KIF11: variants seen among roughly 807,000 people sequenced by gnomAD.
The protein encoded by KIF11 is kinesin family member 11, also known as kinesin-like protein KIF11.
KIF11 carries 9 observed loss-of-function variants against 121.0 expected under a neutral mutation model. The ratio of observed to expected loss-of-function variants is 0.07; its 90% CI spans 0.04 to 0.13. The LOEUF is 0.13. Among genes scored for constraint, KIF11 ranks in the 10% least tolerant of loss-of-function variants. The pLI is 1.00. For synonymous variants in KIF11, 408 were observed against 421.0 expected (o/e 0.97, Z 0.38); for missense variants, 846 against 1,217.5 (o/e 0.69, Z 4.54).
intron 10 of KIF11, among the ~76,000 whole-genome samples, chr10:92,626,298 A>G (rs759008386): frequency 3.9e-5 from 6 of 152,226 alleles, no homozygotes; most frequent in Non-Finnish European, 7.3e-5. Context: ...TCGACAGAAC[A>G]TGCAATGGGG....
intron 6 of KIF11, 66 bp downstream of exon 6, chr10:92,609,575 A>G (rs1844472603): frequency 6.6e-7 from 1 of 1,517,016 alleles, no homozygotes; most frequent in African/African-American, 1.4e-5. Flanking sequence ...ACTTGGAGAA[A>G]GTCAAATTGG....
chr10:92,598,814 G>T (rs1396412140), intron 1 of KIF11, among the ~76,000 whole-genome samples: 11 of 152,164 alleles, frequency 7.2e-5, no homozygotes, highest in Admixed American at 6.5e-4. Context: ...TTTCGCTCTT[G>T]TTGTCCAGGC....
intron 9 of KIF11, among the ~76,000 whole-genome samples, chr10:92,617,840 A>G (rs1233807648): frequency 3.3e-5 from 5 of 151,968 alleles, no homozygotes; most frequent in African/African-American, 1.2e-4. Flanking sequence ...CCCAGGTTCA[A>G]GTGATTCTTC....
At chr10:92,615,783 A>G (rs1238065783) in intron 8 of KIF11, among the ~76,000 whole-genome samples, 1 of 151,558 alleles carries the variant, frequency 6.6e-6, no homozygotes, top group Non-Finnish European at 1.5e-5. Context: ...TGTACCAGCA[A>G]TACTTTATTC....
chr10:92,649,705 T>G, intron 19 of KIF11, 130 bp from the exon 20 acceptor site: 2 of 602,410 alleles, frequency 3.3e-6, no homozygotes, highest in African/African-American at 1.8e-5. Context: ...GTAGCAAGAC[T>G]GATCCTCATA....
chr10:92,620,123 C>T (rs1284943169), intron 9 of KIF11, among the ~76,000 whole-genome samples: 1 of 149,016 alleles, frequency 6.7e-6, no homozygotes, highest in Non-Finnish European at 1.5e-5. Context: ...CTCTGTTGCC[C>T]AGGCTAGAGT....
At chr10:92,599,648 GTTTTC>G (rs1554858703) in intron 1 of KIF11, among the ~76,000 whole-genome samples, 1 of 147,384 alleles carries the variant, frequency 6.8e-6, no homozygotes, top group Non-Finnish European at 1.5e-5. Flanking sequence ...TAATTTTAGA[GTTTTC>G]TTTTCTTTTT....
At chr10:92,651,619 G>A (rs1231839523) in intron 21 of KIF11, among the ~76,000 whole-genome samples, 2 of 139,672 alleles carry the variant, frequency 1.4e-5, no homozygotes, top group African/African-American at 2.6e-5. Flanking sequence ...TGCCTGCCTC[G>A]GCCTCCCGTA....
chr10:92,608,078 A>G (rs867974306), intron 4 of KIF11, among the ~76,000 whole-genome samples: 3 of 151,392 alleles, frequency 2.0e-5, no homozygotes, highest in African/African-American at 7.2e-5. Context: ...AAAAAAAACA[A>G]AAAAACAAAA....
chr10:92,610,720 CTT>C (rs1435509196), intron 6 of KIF11, among the ~76,000 whole-genome samples: 5 of 152,084 alleles, frequency 3.3e-5, no homozygotes, highest in Non-Finnish European at 5.9e-5. Context: ...GATTAGAAGT[CTT>C]ATTTCTTTTC....
At chr10:92,621,675 C>T (rs954617683) in intron 10 of KIF11, among the ~76,000 whole-genome samples, 2 of 151,978 alleles carry the variant, frequency 1.3e-5, no homozygotes, top group African/African-American at 4.8e-5. Context: ...AATCTTGGCT[C>T]ACTACGTCCT....
chr10:92,611,781 C>G (rs1408947666), intron 6 of KIF11, among the ~76,000 whole-genome samples: 3 of 151,998 alleles, frequency 2.0e-5, no homozygotes, highest in Admixed American at 6.6e-5. Flanking sequence ...TGCCTGTAAT[C>G]CCAGATACTC....
intron 11 of KIF11, among the ~76,000 whole-genome samples, chr10:92,629,586 C>T (rs952269586): frequency 2.6e-5 from 4 of 151,462 alleles, no homozygotes; most frequent in Non-Finnish European, 5.9e-5. Context: ...CTTTCAGGGC[C>T]ACCCTCATAT....
At position 92,645,753 on chromosome 10, in the gene KIF11, T is replaced by C. The variant is rs1010490097; in HGVS notation, c.2547+111T>C. The C allele has an allele frequency of 3.6e-6, 3 of 837,154 alleles. No homozygotes were observed. The Admixed American group carries it at 8.1e-5, about 23-fold the overall frequency. The allele number at this position is 837,154 out of a possible 1,614,324, so 51.9% of individuals were successfully genotyped here. Reference sequence around the variant, plus strand: ...AAATGATATTTTAAGCTATAATGACTTAAACTTTTAAGTATAATATTTGGT... The same window carrying C: ...AAATGATATTTTAAGCTATAATGACCTAAACTTTTAAGTATAATATTTGGT... On this transcript the variant is annotated intron_variant, in intron 18 of 21. Transcript: ENST00000260731.
chr10:92,644,111 G>C (rs758809827), intron 17 of KIF11, among the ~76,000 whole-genome samples: 16 of 152,006 alleles, frequency 1.1e-4, no homozygotes, highest in Non-Finnish European at 1.5e-4. Context: ...CTTTCTTAAG[G>C]CCCATGCAAA....
intron 13 of KIF11, 44 bp from the exon 14 acceptor site, chr10:92,633,578 AT>A (rs751575239): frequency 7.4e-7 from 1 of 1,346,166 alleles, no homozygotes; most frequent in South Asian, 1.3e-5. Context: ...GGTATTTAAT[AT>A]ATTTATGTCA....
chr10:92,621,569 A>C (rs1589597681), intron 10 of KIF11, 96 bp downstream of exon 10: 1 of 697,254 alleles, frequency 1.4e-6, no homozygotes. Flanking sequence ...TAAAATCTTT[A>C]TATCCAGTGC....
At chr10:92,615,142 G>T (rs1310643270) in intron 8 of KIF11, among the ~76,000 whole-genome samples, 28 of 152,020 alleles carry the variant, frequency 1.8e-4, no homozygotes, top group Admixed American at 1.8e-3. Context: ...GGTGGCTTAC[G>T]CCTGTAATCC....
chr10:92,628,741 T>TA (rs1375219006), intron 10 of KIF11, 67 bp from the exon 11 acceptor site: 7 of 803,474 alleles, frequency 8.7e-6, no homozygotes, highest in Middle Eastern at 3.6e-4. Flanking sequence ...ACAATTGTGT[T>TA]AGAATACATT....
Sources: allele counts gnomAD v4.1 joint callset (sites outside exome capture counted in the v4.1 genomes callset), GRCh38; gene constraint gnomAD v4.1.1; transcripts MANE v1.5; gene names NCBI Gene and HGNC (gene_info 2026-07-23, HGNC 2026-07-21).